Variants in DPP7 observed in about 807,000 individuals in gnomAD.
The protein encoded by DPP7 is dipeptidyl peptidase 2.
A neutral mutation model predicts 58.8 loss-of-function variants in DPP7; 74 were observed. The observed-to-expected ratio is 1.26, with a 90% CI of 1.04 to 1.53. The LOEUF is 1.53. Ranked by LOEUF, DPP7 falls within the 40% of genes most tolerant of loss-of-function variation. DPP7 has a pLI of 0.00. For synonymous variants in DPP7, 350 were observed against 303.6 expected, an observed-to-expected ratio of 1.15 and a Z score of -1.59; for missense variants, 807 against 692.3, an observed-to-expected ratio of 1.17 and a Z score of -1.86.
Position 137,113,397 on chromosome 9 carries a change from G to C in DPP7, c.585C>G (p.Leu195=). The change falls in exon 5 of 13, where the codon CTC becomes CTG. Residue 195 remains leucine, a synonymous_variant. Transcript: ENST00000371579. ...CCCGGAAGAACTGGTTGGAGTCGCC[G>C]AGGCCTGCCACAGCTAGAACGGGCG... The part of the protein sequence containing the change: ...ASAPVLAVAG[L]GDSNQFFRDV... 6.2e-7 allele frequency: 1 copy of C among 1,609,996 alleles called. No homozygotes were observed. The highest frequency in any genetic ancestry group is 8.5e-7 in the Non-Finnish European group (1 of 1,177,780).
chr9:137,115,404 G>C (rs542523662), upstream of DPP7, among the ~76,000 whole-genome samples: 1 of 152,188 alleles, frequency 6.6e-6, no homozygotes, highest in Non-Finnish European at 1.5e-5. Flanking sequence ...GCACCCAGAG[G>C]ATGGAAGAAG....
upstream of DPP7, chr9:137,115,003 C>T (rs903197332): frequency 2.8e-4 from 78 of 282,120 alleles, 2 homozygotes; most frequent in East Asian, 4.6e-3. Context: ...TGCGCTAGGG[C>T]GAGTCCCTGC....
intron 11 of DPP7, 73 bp downstream of exon 11, chr9:137,111,617 G>A (rs1026272110): frequency 5.2e-6 from 8 of 1,531,010 alleles, no homozygotes; most frequent in African/African-American, 2.8e-5. Context: ...CAGCCTGGGC[G>A]CCAGAGAAAG....
upstream of DPP7, chr9:137,114,967 C>T (rs941228572): frequency 2.8e-5 from 9 of 317,766 alleles, no homozygotes; most frequent in African/African-American, 6.5e-5. Flanking sequence ...ACTGGCTCGT[C>T]CTCCTACCGC....
chr9:137,114,497 G>A lies in DPP7; in HGVS notation c.147C>T (p.Gly49=). 3.2e-6 allele frequency: 5 copies of A among 1,583,290 alleles called. No homozygotes were observed. The highest frequency in any genetic ancestry group is 4.3e-6 in the Non-Finnish European group (5 of 1,165,528). ...RLDHFNFERF[G]NKTFPQRFLV... Reference sequence around the variant, plus strand: ...GGAAGCGCTGAGGGAAGGTCTTGTTGCCGAAGCGCTCGAAGTTGAAGTGGT... The same window carrying A: ...GGAAGCGCTGAGGGAAGGTCTTGTTACCGAAGCGCTCGAAGTTGAAGTGGT... The change falls in exon 2 of 13, where the codon GGC becomes GGT. Residue 49 remains glycine, a synonymous_variant. Coordinates refer to ENST00000371579, the MANE Select transcript of DPP7 (RefSeq NM_013379.3).
intron 11 of DPP7, among the ~76,000 whole-genome samples, chr9:137,111,251 G>C (rs58769718): frequency 0.027 from 2,024 of 73,968 alleles, 11 homozygotes; most frequent in Admixed American, 0.048. Flanking sequence ...GGTGAGACGG[G>C]AGCAGGGTAG....
chr9:137,115,778 G>A (rs768186431), upstream of DPP7, among the ~76,000 whole-genome samples: 22 of 152,116 alleles, frequency 1.4e-4, no homozygotes, highest in Non-Finnish European at 2.6e-4. Context: ...ACTGCAACAC[G>A]AGGTCATCCA....
intron 5 of DPP7, 36 bp downstream of exon 5, chr9:137,113,325 C>T: frequency 6.2e-7 from 1 of 1,613,046 alleles, no homozygotes; most frequent in Non-Finnish European, 8.5e-7. Context: ...AGCTGCTGTC[C>T]CTTAGGGGGC....
chr9:137,116,069 C>T (rs1283789774), upstream of DPP7, among the ~76,000 whole-genome samples: 1 of 152,214 alleles, frequency 6.6e-6, no homozygotes, highest in African/African-American at 2.4e-5. Context: ...TCCCCAAGCA[C>T]ACCAGAGCCT....
At chr9:137,115,820 C>G (rs1482338056), upstream of DPP7, among the ~76,000 whole-genome samples, 1 of 152,182 alleles carries the variant, frequency 6.6e-6, no homozygotes, top group Admixed American at 6.5e-5. Context: ...ACGGCCCTCA[C>G]ATCTGGGCCC....
At chr9:137,116,739 C>T (rs960980745), upstream of DPP7, among the ~76,000 whole-genome samples, 1 of 152,244 alleles carries the variant, frequency 6.6e-6, no homozygotes, top group South Asian at 2.1e-4. Flanking sequence ...AAGAGGAAGG[C>T]TTCTGTCTCC....
Position 137,113,405 on chromosome 9 carries a change from C to T in DPP7, c.577G>A (p.Ala193Thr), listed in dbSNP as rs780123657. ...LAASAPVLAV[A>T]GLGDSNQFFR... ...AACTGGTTGGAGTCGCCGAGGCCTGCCACAGCTAGAACGGGCGCGCTGGCC... is the reference window on the plus strand; with the variant it reads ...AACTGGTTGGAGTCGCCGAGGCCTGTCACAGCTAGAACGGGCGCGCTGGCC... Residue 193 changes from alanine (A) to threonine (T), a missense_variant, in exon 5 of 13, where the codon GCA (alanine) becomes ACA (threonine). This residue lies in a region of DPP7 where 624 missense variants were observed against 531.2 expected (regional missense o/e 1.17). Transcript: ENST00000371579. 6.2e-7 allele frequency: 1 copy of T among 1,609,888 alleles called. No individual in the cohort carries two copies. The highest frequency in any genetic ancestry group is 1.1e-5 in the South Asian group (1 of 90,966).
At chr9:137,116,424 A>C (rs1328186086), upstream of DPP7, among the ~76,000 whole-genome samples, 1 of 152,240 alleles carries the variant, frequency 6.6e-6, no homozygotes, top group African/African-American at 2.4e-5. Flanking sequence ...TATTGACTCA[A>C]GGTTTAGGGG....
chr9:137,112,380 T>C (rs1341495112), intron 8 of DPP7, 150 bp from the exon 9 acceptor site: 4 of 684,114 alleles, frequency 5.8e-6, no homozygotes, highest in Non-Finnish European at 9.7e-6. Flanking sequence ...CCAGGCTACC[T>C]GCTTGGAGGT....
At chr9:137,115,500 G>A (rs1779148536), upstream of DPP7, among the ~76,000 whole-genome samples, 1 of 152,184 alleles carries the variant, frequency 6.6e-6, no homozygotes, top group African/African-American at 2.4e-5. Flanking sequence ...GTCCTGCTGG[G>A]GATGTACATG....
At chr9:137,117,318 G>C (rs865983316), upstream of DPP7, among the ~76,000 whole-genome samples, 31 of 152,222 alleles carry the variant, frequency 2.0e-4, no homozygotes, top group African/African-American at 7.2e-4. Flanking sequence ...AGCCTGTGCA[G>C]GGCACAGTAG....
Position 137,113,466 on chromosome 9 carries a change from C to T in DPP7, c.516G>A (p.Arg172=), listed in dbSNP as rs138986800. The T allele has an allele frequency of 4.6e-4, 729 of 1,599,114 alleles. 4 individuals carry two copies. The African/African-American group carries it at 7.4e-3, about 16-fold the overall frequency. Residue 172 remains arginine (R), a synonymous_variant, in exon 5 of 13, where the codon AGG becomes AGA. Transcript: ENST00000371579. ...SYGGMLSAYL[R]MKYPHLVAGA... ...CCGCCACCAGGTGGGGATACTTCATCCTCAGGTAGGCACTGAGCATCCCCC... is the reference window on the plus strand; with the variant it reads ...CCGCCACCAGGTGGGGATACTTCATTCTCAGGTAGGCACTGAGCATCCCCC...
rs745566509 is a variant in DPP7, at chr9:137,113,043, C to T, written c.780G>A (p.Met260Ile). The change falls in exon 7 of 13, where the codon ATG becomes ATA. Residue 260 changes from methionine (M) to isoleucine (I), a missense_variant. Coordinates refer to ENST00000371579, the MANE Select transcript of DPP7 (RefSeq NM_013379.3). ...SDEKDLTQLF[M>I]FARNAFTVLA... is the part of the protein sequence containing the mutation. Reference sequence around the variant, plus strand: ...GCACGGTGAAGGCATTCCGGGCGAACATGAAGAGCTGGGTCAGGTCCTTCT... The same window carrying T: ...GCACGGTGAAGGCATTCCGGGCGAATATGAAGAGCTGGGTCAGGTCCTTCT... The T allele has an allele frequency of 2.5e-5, 41 of 1,613,752 alleles. No individual in the cohort carries two copies. Among genetic ancestry groups the T allele is most frequent in the Non-Finnish European group, 3.3e-5 (39 of 1,180,034 alleles).
chr9:137,113,787 G>A lies in DPP7; in HGVS notation c.485+78C>T, dbSNP rs541913329. On this transcript the variant is annotated intron_variant, in intron 4 of 12. Transcript: ENST00000371579. ...GAAAAGGCAGCGGTGGGAGTCAGAG[G>A]GGAGTGGGGAGAAGGGCTGGGGGCG... The A allele has an allele frequency of 6.4e-6, 9 of 1,402,834 alleles. No homozygotes were observed. The East Asian group carries it at 1.6e-4, about 24-fold the overall frequency. 86.9% of individuals were successfully genotyped at this position (1,402,834 alleles called of 1,614,324 possible).
Sources: gnomAD v4.1 joint callset for allele counts (sites outside exome capture counted in the v4.1 genomes callset) on GRCh38, gnomAD v4.1.1 for gene constraint, gnomAD v4.1.1 regional missense constraint, MANE v1.5 for transcripts, NCBI Gene and HGNC (gene_info 2026-07-23, HGNC 2026-07-21) for gene names.